KIF19: variants seen among roughly 807,000 people sequenced by gnomAD.
KIF19 encodes kinesin-like protein KIF19.
KIF19 carries 98 observed loss-of-function variants against 106.6 expected under a neutral mutation model. That is an observed-to-expected ratio of 0.92 (90% CI 0.78 to 1.09). The LOEUF is 1.09. Among genes scored for constraint, KIF19 ranks in the 50% least tolerant of loss-of-function variants. The pLI is 0.00. For synonymous variants in KIF19, 516 were observed against 584.2 expected, an observed-to-expected ratio of 0.88 and a Z score of 1.68; for missense variants, 1,373 against 1,414.3, an observed-to-expected ratio of 0.97 and a Z score of 0.47.
rs201468425 is a variant in KIF19 at position 74,343,173 on chromosome 17, G to A, written c.456+13G>A. ...GTCCTACCTGGAGGTGAGTCCCCCA[G>A]CCTAGGCTCAGATGGGGCTGGCCTC... On this transcript the variant is annotated intron_variant, in intron 5 of 19. Transcript: ENST00000389916. The A allele has an allele frequency of 5.5e-5, 88 of 1,610,964 alleles. No individual in the cohort carries two copies. The highest frequency in any genetic ancestry group is 1.6e-5 in the Non-Finnish European group (19 of 1,179,410).
Position 74,350,915 on chromosome 17 carries a change from G to GT in KIF19, c.1587+13dup. On this transcript the variant is annotated intron_variant, in intron 12 of 19. Transcript: ENST00000389916. ...ACTGCGCAAGCAGAAGGTGTCCAGG[G>GT]TTTGGGGGGACAAGGAGAGTGGGTT... 6.2e-7 allele frequency: 1 copy of GT among 1,613,146 alleles called. No homozygotes were observed. Among genetic ancestry groups the GT allele is most frequent in the African/African-American group, 1.3e-5 (1 of 75,068 alleles).
In KIF19 at chr17:74,354,888, G is replaced by T; in HGVS notation, c.2813G>T (p.Gly938Val). Residue 938 changes from glycine (G) to valine (V), a missense_variant, in exon 19 of 20, where the codon GGA becomes GTA. Gly to Val is a moderately radical substitution (Grantham distance 109). Coordinates refer to ENST00000389916, the MANE Select transcript of KIF19 (RefSeq NM_153209.4). ...RHPAPGIRHL[G>V]KVTLPLAKVK... ...CCAGCCCCTGGTATCCGGCATCTGGGAAAGGTCACGCTACCTTTGGCCAAA... is the reference window on the plus strand; with the variant it reads ...CCAGCCCCTGGTATCCGGCATCTGGTAAAGGTCACGCTACCTTTGGCCAAA... 6.4e-7 allele frequency: 1 copy of T among 1,570,758 alleles called. No individual in the cohort carries two copies. Among genetic ancestry groups the T allele is most frequent in the Non-Finnish European group, 8.6e-7 (1 of 1,158,432 alleles).
intron 2 of KIF19, among the ~76,000 whole-genome samples, chr17:74,332,118 A>G (rs1338205728): frequency 6.6e-6 from 1 of 151,026 alleles, no homozygotes; most frequent in East Asian, 1.9e-4. Context: ...CTGGCCCTTG[A>G]GCCTTCCTGC....
intron 2 of KIF19, among the ~76,000 whole-genome samples, chr17:74,341,195 T>C (rs2054363447): frequency 6.6e-6 from 1 of 152,132 alleles, no homozygotes; most frequent in Non-Finnish European, 1.5e-5. Context: ...GGCACACGCC[T>C]GTAGTCCCAG....
At chr17:74,329,561 G>A (rs1403765719) in intron 2 of KIF19, 2 of 150,646 alleles carry the variant, frequency 1.3e-5, no homozygotes, top group Non-Finnish European at 3.0e-5. Flanking sequence ...TTGACCTGAG[G>A]GGCTTGCATG....
Position 74,342,666 on chromosome 17 carries a change from G to A in KIF19, c.268G>A (p.Glu90Lys), listed in dbSNP as rs750036187. 2.2e-5 allele frequency: 35 copies of A among 1,613,488 alleles called. No individual in the cohort carries two copies. The highest frequency in any genetic ancestry group is 1.2e-4 in the South Asian group (11 of 91,088). ...TCAGGCCACCACCAAGAGCCTCATC[G>A]AGGGCGTCATCTCAGGCTACAATGC... Reference protein sequence around the residue: ...VYQATTKSLIEGVISGYNATV... With the variant: ...VYQATTKSLIKGVISGYNATV... Residue 90 changes from glutamate to lysine, a missense_variant, in exon 4 of 20, where the codon GAG becomes AAG. By Grantham distance (56) the Glu-to-Lys change is moderately conservative (BLOSUM62 1). Around this residue, in one of 3 missense-constraint regions of KIF19, gnomAD observed 348 missense variants for 389.5 expected, o/e 0.89. Transcript: ENST00000389916.
intron 6 of KIF19, 138 bp from the exon 7 acceptor site, chr17:74,344,623 C>A: frequency 1.0e-6 from 1 of 969,022 alleles, no homozygotes; most frequent in Non-Finnish European, 1.5e-6. Context: ...TCTCAGCACA[C>A]GGAGCCCAGC....
intron 12 of KIF19, 67 bp from the exon 13 acceptor site, chr17:74,351,800 G>C (rs947128724): frequency 7.3e-7 from 1 of 1,360,910 alleles, no homozygotes; most frequent in Non-Finnish European, 9.4e-7. Flanking sequence ...GGAGGGTCGA[G>C]GACGAGCTGG....
In KIF19 at chr17:74,347,843, G is replaced by C. The variant is rs199585407; in HGVS notation, c.991G>C (p.Glu331Gln). ...AHISPASSAFEESRNTLTYAG... is the reference protein window; with the variant it reads ...AHISPASSAFQESRNTLTYAG... ...CATCAGTCCTGCGAGCAGTGCCTTC[G>C]AGGAGTCCCGGAACACCCTGACCTA... The change falls in exon 9 of 20, where the codon GAG becomes CAG. Residue 331 changes from glutamate (E) to glutamine (Q), a missense_variant. By Grantham distance (29) the Glu-to-Gln change is conservative. This residue lies in a region of KIF19 where 1,020 missense variants were observed against 1,008.2 expected (regional missense o/e 1.01). Transcript: ENST00000389916. The C allele has an allele frequency of 3.8e-6, 6 of 1,586,488 alleles. No homozygotes were observed. The highest frequency in any genetic ancestry group is 1.8e-5 in the Admixed American group (1 of 55,928).
intron 18 of KIF19, 48 bp downstream of exon 18, chr17:74,354,607 G>A (rs1399425894): frequency 7.1e-6 from 11 of 1,553,276 alleles, no homozygotes; most frequent in African/African-American, 2.7e-5. Flanking sequence ...CATAGCAGCT[G>A]GAGGCCTGAG....
At chr17:74,352,700 C>A in intron 14 of KIF19, 121 bp from the exon 15 acceptor site, 1 of 1,259,276 alleles carries the variant, frequency 7.9e-7, no homozygotes, top group Non-Finnish European at 1.1e-6. Context: ...AAGCCCACTG[C>A]CCTTCTGGGG....
rs998843073 is a variant in KIF19, at chr17:74,326,242, C to G, written c.-108C>G. Reference sequence around the variant, plus strand: ...GTTGGTTTCGGGTTGTCAGGCAGCGCGCGAGGCGGCGGGCAGCTAGCAGCT... The same window carrying G: ...GTTGGTTTCGGGTTGTCAGGCAGCGGGCGAGGCGGCGGGCAGCTAGCAGCT... On this transcript the variant is annotated 5_prime_UTR_variant, in exon 1 of 20. Coordinates refer to ENST00000389916, the MANE Select transcript of KIF19 (RefSeq NM_153209.4). The G allele has an allele frequency of 2.9e-6, 3 of 1,036,456 alleles. No individual in the cohort carries two copies. The highest frequency in any genetic ancestry group is 4.1e-6 in the Non-Finnish European group (3 of 727,254). The allele number at this position is 1,036,456 out of a possible 1,614,324, so 64.2% of individuals were successfully genotyped here.
intron 5 of KIF19, among the ~76,000 whole-genome samples, chr17:74,343,779 C>T (rs1463571647): frequency 2.6e-5 from 4 of 152,196 alleles, no homozygotes; most frequent in African/African-American, 9.6e-5. Context: ...ACTCGCTTTA[C>T]GGGGTGGGGG....
intron 6 of KIF19, 68 bp downstream of exon 6, chr17:74,344,416 G>C (rs577364113): frequency 1.9e-5 from 30 of 1,563,434 alleles, no homozygotes; most frequent in Non-Finnish European, 2.4e-5. Context: ...AGGAGGGGCG[G>C]GGACAGAAGC....
rs916358906 is a variant in KIF19 at position 74,331,622 on chromosome 17, G to T, written c.120+3117G>T. Among the ~76,000 whole-genome samples the T allele has an allele frequency of 2.6e-5, 4 of 151,834 alleles. No individual in the cohort carries two copies. The highest frequency in any genetic ancestry group is 4.4e-5 in the Non-Finnish European group (3 of 67,960). On this transcript the variant is annotated intron_variant, in intron 2 of 19. Transcript: ENST00000389916. The surrounding 1 kb of genome is among the most constrained non-coding windows in gnomAD (Gnocchi z 4.1). Reference sequence around the variant, plus strand: ...GATGGAGTCTTGCTCTGTCACCTAGGCTGGAGTACAGTGGTGCAATCTTGG... The same window carrying T: ...GATGGAGTCTTGCTCTGTCACCTAGTCTGGAGTACAGTGGTGCAATCTTGG...
At position 74,331,802 on chromosome 17, in the gene KIF19, C is replaced by T. The variant is rs1187316099; in HGVS notation, c.120+3297C>T. Among the ~76,000 whole-genome samples the T allele has an allele frequency of 2.6e-5, 4 of 152,074 alleles. No individual in the cohort carries two copies. The highest frequency in any genetic ancestry group is 5.9e-5 in the Non-Finnish European group (4 of 68,024). On this transcript the variant is annotated intron_variant, in intron 2 of 19. Coordinates refer to ENST00000389916, the MANE Select transcript of KIF19 (RefSeq NM_153209.4). This position sits in a 1 kb window ranked among gnomAD's most constrained non-coding sequence, Gnocchi z 4.1. ...ATGGTGGCCAGGCTGGTCTCGAACTCCTGACCTCAAGTGATACACCCGCCT... is the reference window on the plus strand; with the variant it reads ...ATGGTGGCCAGGCTGGTCTCGAACTTCTGACCTCAAGTGATACACCCGCCT...
chr17:74,340,233 T>G (rs2054329333), intron 2 of KIF19, among the ~76,000 whole-genome samples: 1 of 152,152 alleles, frequency 6.6e-6, no homozygotes, highest in Non-Finnish European at 1.5e-5. Context: ...CCTCTCATCC[T>G]AAATCCTCCA....
At chr17:74,341,443 G>A (rs558563326) in intron 2 of KIF19, among the ~76,000 whole-genome samples, 1 of 152,274 alleles carries the variant, frequency 6.6e-6, no homozygotes, top group South Asian at 2.1e-4. Flanking sequence ...CAGCATGGGG[G>A]GTGTTGAAGT....
intron 2 of KIF19, among the ~76,000 whole-genome samples, chr17:74,332,607 T>C (rs1044413565): frequency 2.0e-5 from 3 of 152,144 alleles, no homozygotes; most frequent in Admixed American, 6.5e-5. Flanking sequence ...CCCGGGGTGC[T>C]GTAGAGCCAG....
Sources: allele counts gnomAD v4.1 joint callset (sites outside exome capture counted in the v4.1 genomes callset), GRCh38; gene constraint gnomAD v4.1.1; regional missense constraint gnomAD v4.1.1; non-coding constraint Gnocchi (gnomAD v3.1); transcripts MANE v1.5; gene names NCBI Gene and HGNC (gene_info 2026-07-23, HGNC 2026-07-21).